Variants in PAK4 observed in about 807,000 individuals in gnomAD.
The protein encoded by PAK4 is p21 (RAC1) activated kinase 4, also known as serine/threonine-protein kinase PAK 4.
In PAK4, 49 loss-of-function variants were observed where a neutral mutation model predicts 53.5. The observed-to-expected ratio is 0.92, with a 90% CI of 0.73 to 1.16. The LOEUF is 1.16. PAK4 is among the 50% of genes most tolerant of loss of function. PAK4 has a pLI of 0.00. For missense variants in PAK4, 824 were observed against 850.7 expected (o/e 0.97, Z 0.39); for synonymous variants, 376 against 375.6 (o/e 1.00, Z -0.01).
chr19:39,147,851 T>TTG (rs1195443032), intron 1 of PAK4, among the ~76,000 whole-genome samples: 2 of 147,522 alleles, frequency 1.4e-5, no homozygotes, highest in African/African-American at 5.0e-5. Flanking sequence ...GTTTTTTTTT[T>TTG]TTTTTTTTTT....
chr19:39,160,919 G>A (rs1193748877), intron 1 of PAK4, among the ~76,000 whole-genome samples: 2 of 152,198 alleles, frequency 1.3e-5, no homozygotes, highest in Non-Finnish European at 2.9e-5. Context: ...GCTGGAGCCG[G>A]GACCACTGGG....
chr19:39,176,702 C>T, exon 7 of PAK4: 3 of 1,610,450 alleles, frequency 1.9e-6, no homozygotes, highest in Non-Finnish European at 2.5e-6. Flanking sequence ...TCCCGCCTTC[C>T]CTACGGGCCA....
chr19:39,164,599 G>A (rs11878229), intron 1 of PAK4, among the ~76,000 whole-genome samples: 1 of 152,132 alleles, frequency 6.6e-6, no homozygotes, highest in Non-Finnish European at 1.5e-5. Context: ...ATGGTGATGG[G>A]CGCATCCTGT....
intron 1 of PAK4, among the ~76,000 whole-genome samples, chr19:39,160,042 G>GC (rs1033569831): frequency 2.9e-4 from 44 of 152,338 alleles, no homozygotes; most frequent in Admixed American, 2.4e-3. Context: ...GGCTGGGTGG[G>GC]CCCCCCTGCA....
intron 1 of PAK4, among the ~76,000 whole-genome samples, chr19:39,153,530 C>G (rs1249775164): frequency 2.0e-5 from 3 of 152,220 alleles, no homozygotes; most frequent in Non-Finnish European, 4.4e-5. Context: ...CAACCTTCGC[C>G]TCCCAGGTTC....
At chr19:39,140,309 G>A (rs2073889045) in intron 1 of PAK4, among the ~76,000 whole-genome samples, 1 of 152,172 alleles carries the variant, frequency 6.6e-6, no homozygotes, top group African/African-American at 2.4e-5. Context: ...TGAGGGGAAG[G>A]ATGCTGATGT....
rs1196896442 is a variant in PAK4 at position 39,135,265 on chromosome 19, C to T, written c.-23+9346C>T. On this transcript the variant is annotated intron_variant, in intron 1 of 8. Coordinates refer to ENST00000358301, the Ensembl canonical transcript of PAK4. ...AGCCCCTCATGTTATTTTGTCCTCC[C>T]CTTGCTCCTGTCCATTCCGACTCTC... The T allele has an allele frequency of 3.3e-5, 5 of 151,976 alleles. No individual in the cohort carries two copies. In the East Asian group the frequency reaches 7.7e-4, roughly 23 times the overall value. 9.4% of individuals were successfully genotyped at this position (151,976 alleles called of 1,614,324 possible).
At chr19:39,174,082 C>T in intron 4 of PAK4, 72 bp downstream of exon 5, 5 of 955,668 alleles carry the variant, frequency 5.2e-6, no homozygotes, top group Non-Finnish European at 7.8e-6. Flanking sequence ...CCCCTCCTCC[C>T]TCCTCTCCCT....
At chr19:39,177,215 T>TGGGA (rs1437481917) in intron 7 of PAK4, among the ~76,000 whole-genome samples, 3 of 152,308 alleles carry the variant, frequency 2.0e-5, no homozygotes, top group Admixed American at 6.5e-5. Context: ...TTTCCCCTTG[T>TGGGA]GGGAGCAGAG....
chr19:39,175,339 G>A lies in PAK4; in HGVS notation c.1260G>A (p.Val420=), dbSNP rs866205137. The A allele has an allele frequency of 1.9e-6, 3 of 1,597,060 alleles. No individual in the cohort carries two copies. The highest frequency in any genetic ancestry group is 1.7e-4 in the Middle Eastern group (1 of 6,040). Residue 420 remains valine, a synonymous_variant, in exon 6 of 9, where the codon GTG becomes GTA. Coordinates refer to ENST00000358301, the Ensembl canonical transcript of PAK4. This position sits in a 1 kb window ranked among gnomAD's most constrained non-coding sequence, Gnocchi z 4.7. ...TGAACGAGGAGCAGATCGCGGCCGT[G>A]TGCCTTGCAGTGCTGCAGGCCCTGT... is the stretch of plus-strand genomic sequence containing the variant.
chr19:39,150,141 G>T (rs562347506), intron 1 of PAK4, among the ~76,000 whole-genome samples: 3 of 152,018 alleles, frequency 2.0e-5, no homozygotes, highest in Non-Finnish European at 4.4e-5. Context: ...AGGTATGTTG[G>T]TGTAGATCTG....
At chr19:39,180,273 T>G (rs1399284624), downstream of PAK4, 1 of 152,020 alleles carries the variant, frequency 6.6e-6, no homozygotes, top group Admixed American at 6.6e-5. Flanking sequence ...GCAGCTGTGC[T>G]CTCTGCGATG....
At chr19:39,172,712 C>A (rs556359304) in intron 2 of PAK4, among the ~76,000 whole-genome samples, 1 of 152,020 alleles carries the variant, frequency 6.6e-6, no homozygotes, top group African/African-American at 2.4e-5. Flanking sequence ...CTGGCCATGG[C>A]GATCACTCCT....
intron 1 of PAK4, among the ~76,000 whole-genome samples, chr19:39,155,482 A>C (rs1200007320): frequency 1.3e-5 from 2 of 151,936 alleles, no homozygotes; most frequent in African/African-American, 4.8e-5. Flanking sequence ...CAGGTGCCTC[A>C]AGTGGGGCCG....
chr19:39,151,011 G>A (rs966626584), intron 1 of PAK4, among the ~76,000 whole-genome samples: 1 of 152,004 alleles, frequency 6.6e-6, no homozygotes, highest in African/African-American at 2.4e-5. Flanking sequence ...TGGACGCCAT[G>A]AACGTGGGAA....
intron 1 of PAK4, among the ~76,000 whole-genome samples, chr19:39,133,566 G>A (rs73549583): frequency 0.019 from 2,870 of 152,182 alleles, 96 homozygotes; most frequent in African/African-American, 0.066. Context: ...CCTGCTACCC[G>A]GGGCTAAGCC....
chr19:39,162,725 G>A (rs1215847044), intron 1 of PAK4, among the ~76,000 whole-genome samples: 1 of 152,204 alleles, frequency 6.6e-6, no homozygotes, highest in African/African-American at 2.4e-5. Context: ...TGTGAGTGCT[G>A]CGAGGACAGG....
chr19:39,139,650 C>T (rs1293095663), intron 1 of PAK4, among the ~76,000 whole-genome samples: 1 of 152,168 alleles, frequency 6.6e-6, no homozygotes, highest in Non-Finnish European at 1.5e-5. Context: ...GTCTCAGTCT[C>T]TCTTTACACC....
At chr19:39,142,006 C>G (rs2073918925) in intron 1 of PAK4, among the ~76,000 whole-genome samples, 3 of 152,012 alleles carry the variant, frequency 2.0e-5, no homozygotes, top group African/African-American at 4.8e-5. Context: ...TTGTTTTGTT[C>G]CCTTTGTTAC....
Sources: gnomAD v4.1 joint callset for allele counts (sites outside exome capture counted in the v4.1 genomes callset) on GRCh38, gnomAD v4.1.1 for gene constraint, Gnocchi (gnomAD v3.1) non-coding constraint, MANE v1.5 for transcripts, NCBI Gene and HGNC (gene_info 2026-07-23, HGNC 2026-07-21) for gene names.